CNTN4: variants seen among roughly 807,000 people sequenced by gnomAD.
CNTN4 encodes contactin-4.
Under a neutral mutation model 122.5 loss-of-function variants are expected in CNTN4, and 77 were observed. That is an observed-to-expected ratio of 0.63 (90% CI 0.52 to 0.76). CNTN4 has a LOEUF of 0.76. CNTN4 is among the 30% of genes least tolerant of loss of function. The probability of loss-of-function intolerance (pLI) is 0.00; values close to 1 mark genes in which losing one functional copy is unlikely to be tolerated. For missense variants in CNTN4, 1,256 were observed against 1,259.1 expected, an observed-to-expected ratio of 1.00 and a Z score of 0.04; for synonymous variants, 512 against 447.0, an observed-to-expected ratio of 1.15 and a Z score of -1.83.
At chr3:2,285,356 G>A (rs148577363) in intron 2 of CNTN4, among the ~76,000 whole-genome samples, 7 of 152,026 alleles carry the variant, frequency 4.6e-5, no homozygotes, top group African/African-American at 1.2e-4. Flanking sequence ...TATATTTAAC[G>A]ACATTGCAAT....
intron 23 of CNTN4, 28 bp from the exon 24 acceptor site, chr3:3,053,779 G>C: frequency 6.2e-7 from 1 of 1,613,148 alleles, no homozygotes; most frequent in Non-Finnish European, 8.5e-7. Context: ...AAGACGGCAG[G>C]TGACACCTGT....
intron 4 of CNTN4, among the ~76,000 whole-genome samples, chr3:2,697,579 C>G (rs758083882): frequency 1.1e-4 from 16 of 152,124 alleles, no homozygotes; most frequent in Non-Finnish European, 2.4e-4. Context: ...ATACAGACAG[C>G]AAAAGACAAT....
intron 2 of CNTN4, among the ~76,000 whole-genome samples, chr3:2,239,993 T>C (rs184922264): frequency 1.3e-5 from 2 of 152,346 alleles, no homozygotes; most frequent in Non-Finnish European, 1.5e-5. Flanking sequence ...CCTGCATAGG[T>C]TGCAGACTGA....
intron 3 of CNTN4, among the ~76,000 whole-genome samples, chr3:2,412,860 T>C (rs879330021): frequency 4.6e-5 from 7 of 152,206 alleles, no homozygotes; most frequent in Non-Finnish European, 7.3e-5. Flanking sequence ...GTTGAGGCAA[T>C]TTATTTATAT....
At chr3:2,290,019 C>A (rs1175444438) in intron 2 of CNTN4, among the ~76,000 whole-genome samples, 1 of 152,126 alleles carries the variant, frequency 6.6e-6, no homozygotes, top group Admixed American at 6.6e-5. Context: ...GGTGTACCTT[C>A]TCTGAGCCAG....
intron 3 of CNTN4, among the ~76,000 whole-genome samples, chr3:2,407,455 ACT>A (rs1231129562): frequency 6.6e-6 from 1 of 152,156 alleles, no homozygotes; most frequent in Non-Finnish European, 1.5e-5. Flanking sequence ...AGATCTGATA[ACT>A]CTCAGAACAG....
chr3:2,694,265 C>G (rs576829373), intron 4 of CNTN4, among the ~76,000 whole-genome samples: 3 of 152,288 alleles, frequency 2.0e-5, no homozygotes, highest in African/African-American at 7.2e-5. Context: ...CTGTTTTGTT[C>G]TGCTGTAGCT....
intron 13 of CNTN4, among the ~76,000 whole-genome samples, chr3:2,950,310 T>C (rs2094725783): frequency 6.6e-6 from 1 of 152,236 alleles, no homozygotes; most frequent in Non-Finnish European, 1.5e-5. Context: ...GTCTGGCATC[T>C]GCATCCTCCC....
At chr3:2,808,261 A>G (rs2092517039) in intron 6 of CNTN4, among the ~76,000 whole-genome samples, 1 of 152,042 alleles carries the variant, frequency 6.6e-6, no homozygotes, top group East Asian at 1.9e-4. Flanking sequence ...TTTTCTGTAG[A>G]TTACTGACTT....
At chr3:2,383,713 C>T (rs1476464964) in intron 3 of CNTN4, among the ~76,000 whole-genome samples, 1 of 149,742 alleles carries the variant, frequency 6.7e-6, no homozygotes, top group Non-Finnish European at 1.5e-5. Context: ...TTCCCTCCCT[C>T]TCCTTCTTCT....
chr3:2,342,820 A>T (rs2044258594), intron 3 of CNTN4, among the ~76,000 whole-genome samples: 1 of 152,190 alleles, frequency 6.6e-6, no homozygotes, highest in Admixed American at 6.5e-5. Context: ...AGGTATGTCT[A>T]TTTTAGCAGC....
intron 13 of CNTN4, among the ~76,000 whole-genome samples, chr3:2,963,880 G>A (rs2094885724): frequency 6.6e-6 from 1 of 152,146 alleles, no homozygotes; most frequent in Non-Finnish European, 1.5e-5. Flanking sequence ...AGAGTGCAGG[G>A]CCCACAGTGG....
intron 3 of CNTN4, among the ~76,000 whole-genome samples, chr3:2,398,322 A>G (rs928034408): frequency 1.3e-5 from 2 of 152,030 alleles, no homozygotes; most frequent in African/African-American, 4.8e-5. Context: ...GTGTGAAATA[A>G]CTCATTTTCT....
intron 3 of CNTN4, among the ~76,000 whole-genome samples, chr3:2,424,895 T>C (rs892118323): frequency 1.3e-5 from 2 of 152,226 alleles, no homozygotes; most frequent in Admixed American, 1.3e-4. Flanking sequence ...TTCATATCCT[T>C]TGCCCACTTG....
chr3:2,227,749 G>T (rs2039340781), intron 2 of CNTN4, among the ~76,000 whole-genome samples: 1 of 152,076 alleles, frequency 6.6e-6, no homozygotes. Flanking sequence ...CCTCTTCCTG[G>T]CAGATGCTTT....
At chr3:2,382,081 T>C (rs538024295) in intron 3 of CNTN4, among the ~76,000 whole-genome samples, 2 of 152,212 alleles carry the variant, frequency 1.3e-5, no homozygotes, top group African/African-American at 4.8e-5. Flanking sequence ...TAGAGATATG[T>C]TTAAAGTGGA....
chr3:2,235,367 C>G (rs1005674028), intron 2 of CNTN4, among the ~76,000 whole-genome samples: 1 of 152,160 alleles, frequency 6.6e-6, no homozygotes, highest in Non-Finnish European at 1.5e-5. Context: ...CCTCAAATAT[C>G]TATCCAGGAA....
At chr3:2,464,169 G>A (rs1268305323) in intron 3 of CNTN4, among the ~76,000 whole-genome samples, 1 of 152,146 alleles carries the variant, frequency 6.6e-6, no homozygotes, top group Non-Finnish European at 1.5e-5. Context: ...CTAGGTACTA[G>A]AATACCTAGG....
intron 3 of CNTN4, among the ~76,000 whole-genome samples, chr3:2,567,493 C>T (rs544715121): frequency 1.1e-3 from 166 of 152,258 alleles, no homozygotes; most frequent in African/African-American, 3.5e-3. Context: ...ACTCAGGCTG[C>T]GCTGTGCTGT....
Sources: gnomAD v4.1 joint callset for allele counts (sites outside exome capture counted in the v4.1 genomes callset) on GRCh38, gnomAD v4.1.1 for gene constraint, MANE v1.5 for transcripts, NCBI Gene and HGNC (gene_info 2026-07-23, HGNC 2026-07-21) for gene names.